The following SNRPD1 variants were observed in gnomAD, a reference collection of about 807,000 sequenced individuals.
The protein encoded by SNRPD1 is small nuclear ribonucleoprotein D1 polypeptide.
In SNRPD1, 1 loss-of-function variant was observed where a neutral mutation model predicts 14.4. The observed-to-expected ratio is 0.07, with a 90% confidence interval of 0.02 to 0.33. The LOEUF is 0.33. Among genes scored for constraint, SNRPD1 ranks in the 10% least tolerant of loss-of-function variants. The pLI is 1.00. For synonymous variants in SNRPD1, 42 were observed against 50.3 expected (o/e 0.83, Z 0.70); for missense variants, 52 against 146.4 (o/e 0.36, Z 3.33).
intron 1 of SNRPD1, among the ~76,000 whole-genome samples, chr18:21,620,972 G>T (rs548512886): frequency 1.2e-4 from 18 of 152,012 alleles, no homozygotes; most frequent in African/African-American, 4.1e-4. Context: ...GGCCATCGTG[G>T]TTAACATGGT....
chr18:21,624,701 A>ATAT (rs1375006397), intron 3 of SNRPD1, among the ~76,000 whole-genome samples: 2 of 146,022 alleles, frequency 1.4e-5, no homozygotes, highest in African/African-American at 2.5e-5. Flanking sequence ...AAAAAAAAAA[A>ATAT]ATATATATAT....
intron 1 of SNRPD1, among the ~76,000 whole-genome samples, chr18:21,619,972 C>T (rs895143474): frequency 3.3e-5 from 5 of 151,194 alleles, no homozygotes; most frequent in African/African-American, 9.7e-5. Flanking sequence ...GTATTTTTTT[C>T]GAGATGGAGT....
rs2039095493 is a variant in SNRPD1, at chr18:21,632,875, G to C, written c.*3737G>C. 7.0e-6 allele frequency: 1 copy of C among 143,146 alleles called. No homozygotes were observed. Among genetic ancestry groups the C allele is most frequent in the South Asian group, 2.2e-4 (1 of 4,634 alleles). 8.9% of individuals were successfully genotyped at this position (143,146 alleles called of 1,614,324 possible). ...CTTTTCTTTTTTTTTTTTTGAGACA[G>C]AGTCTAGCTCTGTCACCCAGGCTGG... On this transcript the variant is annotated 3_prime_UTR_variant, in exon 4 of 4. Transcript: ENST00000300413.
chr18:21,613,817 T>C (rs1264900062), intron 1 of SNRPD1, among the ~76,000 whole-genome samples: 1 of 117,316 alleles, frequency 8.5e-6, no homozygotes, highest in Non-Finnish European at 1.6e-5. Context: ...ATCGTGGCAC[T>C]ACGCTCCAGC....
At chr18:21,622,640 C>T in intron 1 of SNRPD1, 85 bp from the exon 2 acceptor site, 1 of 683,284 alleles carries the variant, frequency 1.5e-6, no homozygotes, top group Non-Finnish European at 2.6e-6. Flanking sequence ...AGCAAATTTT[C>T]AACATCGAGT....
In SNRPD1 at chr18:21,631,871, G is replaced by A. The variant is rs2039087358; in HGVS notation, c.*2733G>A. 6.6e-6 allele frequency: 1 copy of A among 152,086 alleles called. No individual in the cohort carries two copies. Among genetic ancestry groups the A allele is most frequent in the Non-Finnish European group, 1.5e-5 (1 of 68,018 alleles). 9.4% of individuals were successfully genotyped at this position (152,086 alleles called of 1,614,324 possible). A position where few individuals can be genotyped will look rare whatever the true frequency, so the allele number is the denominator to read the frequency against. ...AAGAGACCCCTGTAATGCAGCAAGTGGAGAGATTTGTTGAAGGGGTCAAAC... is the reference window on the plus strand; with the variant it reads ...AAGAGACCCCTGTAATGCAGCAAGTAGAGAGATTTGTTGAAGGGGTCAAAC... On this transcript the variant is annotated 3_prime_UTR_variant, in exon 4 of 4. Coordinates refer to ENST00000300413, the MANE Select transcript of SNRPD1 (RefSeq NM_006938.4).
chr18:21,622,143 TC>T (rs1451898624), intron 1 of SNRPD1, among the ~76,000 whole-genome samples: 1 of 151,680 alleles, frequency 6.6e-6, no homozygotes, highest in Non-Finnish European at 1.5e-5. Flanking sequence ...ATTCTTTATT[TC>T]TTTTTTTTTT....
chr18:21,627,201 G>A (rs1201178933), intron 3 of SNRPD1, among the ~76,000 whole-genome samples: 2 of 151,938 alleles, frequency 1.3e-5, no homozygotes, highest in African/African-American at 2.4e-5. Flanking sequence ...CCCGAGAGGC[G>A]GAGATTGCAG....
chr18:21,614,602 C>G (rs2038944278), intron 1 of SNRPD1, among the ~76,000 whole-genome samples: 1 of 152,182 alleles, frequency 6.6e-6, no homozygotes, highest in Non-Finnish European at 1.5e-5. Context: ...TCACCCTAAC[C>G]AAAAACCTGG....
chr18:21,622,642 A>G (rs1245897207), intron 1 of SNRPD1, 83 bp from the exon 2 acceptor site: 12 of 693,512 alleles, frequency 1.7e-5, no homozygotes, highest in Non-Finnish European at 2.9e-5. Flanking sequence ...CAAATTTTCA[A>G]CATCGAGTTG....
At chr18:21,626,679 C>T (rs1250019996) in intron 3 of SNRPD1, among the ~76,000 whole-genome samples, 3 of 150,774 alleles carry the variant, frequency 2.0e-5, no homozygotes, top group Non-Finnish European at 2.9e-5. Context: ...CCCAGCTACT[C>T]GGGAGGCTAA....
At chr18:21,625,316 A>AATTTTTTTTTTTTTTTTTT in intron 3 of SNRPD1, among the ~76,000 whole-genome samples, 1 of 109,110 alleles carries the variant, frequency 9.2e-6, no homozygotes, top group East Asian at 2.7e-4. Context: ...GTTGAAAAAA[A>AATTTTTTTTTTTTTTTTTT]TTTTTTTTTT....
chr18:21,612,319 C>T lies in SNRPD1; in HGVS notation c.-111C>T, dbSNP rs113606579. On this transcript the variant is annotated 5_prime_UTR_variant, in exon 1 of 4. In the 5' UTR this introduces an upstream ATG that the reference lacks. Transcript: ENST00000300413. The stretch of plus-strand genomic sequence containing the variant: ...CCTGCAGTGCTCCGCGCGCTCTTGA[C>T]GTCCGGAGCCCCTGGAGTAGGCGCT... The T allele has an allele frequency of 4.2e-6, 3 of 711,852 alleles. No homozygotes were observed. The highest frequency in any genetic ancestry group is 2.9e-5 in the Admixed American group (1 of 34,020). The allele number at this position is 711,852 out of a possible 1,614,324, so 44.1% of individuals were successfully genotyped here.
rs2039089285 is a variant in SNRPD1, at chr18:21,632,175, T to C, written c.*3037T>C. On this transcript the variant is annotated 3_prime_UTR_variant, in exon 4 of 4. Coordinates refer to ENST00000300413, the MANE Select transcript of SNRPD1 (RefSeq NM_006938.4). ...TTAGCATAAGAGATCTAAAATTACG[T>C]TTTGTCCTGGCATGGTGGCTCATGC... 6.6e-6 allele frequency: 1 copy of C among 151,968 alleles called. No homozygotes were observed. The highest frequency in any genetic ancestry group is 2.1e-4 in the South Asian group (1 of 4,814). The allele number at this position is 151,968 out of a possible 1,614,324, so 9.4% of individuals were successfully genotyped here.
chr18:21,625,889 G>A (rs948077554), intron 3 of SNRPD1, among the ~76,000 whole-genome samples: 10 of 152,118 alleles, frequency 6.6e-5, no homozygotes, highest in African/African-American at 1.9e-4. Context: ...GATTACAGGC[G>A]TGAGCCACGG....
chr18:21,627,435 T>G (rs982676458), intron 3 of SNRPD1, among the ~76,000 whole-genome samples: 9 of 78,284 alleles, frequency 1.1e-4, no homozygotes, highest in South Asian at 4.6e-4. Context: ...TTTTCTTGGG[T>G]TTTTTTTTTT....
intron 1 of SNRPD1, among the ~76,000 whole-genome samples, chr18:21,613,854 CAAAAA>C (rs56863125): frequency 1.4e-4 from 8 of 58,672 alleles, no homozygotes; most frequent in African/African-American, 5.2e-4. Context: ...GACTCCATCT[CAAAAA>C]AAAAAAAAAA....
chr18:21,625,518 G>T (rs2039031142), intron 3 of SNRPD1, among the ~76,000 whole-genome samples: 1 of 151,908 alleles, frequency 6.6e-6, no homozygotes, highest in Non-Finnish European at 1.5e-5. Flanking sequence ...GTTTCATCCT[G>T]TTGGTCAGGC....
At chr18:21,620,418 C>G (rs1293965322) in intron 1 of SNRPD1, among the ~76,000 whole-genome samples, 2 of 152,070 alleles carry the variant, frequency 1.3e-5, no homozygotes, top group Non-Finnish European at 2.9e-5. Flanking sequence ...TATTTGTAAA[C>G]CCTTTAACTT....
Sources: gnomAD v4.1 joint callset for allele counts (sites outside exome capture counted in the v4.1 genomes callset) on GRCh38, gnomAD v4.1.1 for gene constraint, MANE v1.5 for transcripts, NCBI Gene and HGNC (gene_info 2026-07-23, HGNC 2026-07-21) for gene names.